The following SORCS1 variants were observed in gnomAD, a reference collection of about 807,000 sequenced individuals.
The protein encoded by SORCS1 is VPS10 domain-containing receptor SorCS1.
SORCS1 carries 60 observed loss-of-function variants against 146.1 expected under a neutral mutation model. The ratio of observed to expected loss-of-function variants is 0.41; its 90% confidence interval spans 0.33 to 0.51. SORCS1 has a LOEUF of 0.51. Ranked by LOEUF, SORCS1 falls within the 20% of genes least tolerant of loss-of-function variation. The pLI is 0.21. For synonymous variants in SORCS1, 637 were observed against 584.0 expected, an observed-to-expected ratio of 1.09 and a Z score of -1.31; for missense variants, 1,352 against 1,487.6, an observed-to-expected ratio of 0.91 and a Z score of 1.50.
chr10:107,044,721 G>C (rs1266218007), intron 1 of SORCS1, among the ~76,000 whole-genome samples: 1 of 150,866 alleles, frequency 6.6e-6, no homozygotes, highest in Admixed American at 6.6e-5. Context: ...TACTCTGGAG[G>C]CTGAGGCAGG....
At chr10:106,733,311 G>T (rs34052114) in intron 5 of SORCS1, among the ~76,000 whole-genome samples, 2 of 151,740 alleles carry the variant, frequency 1.3e-5, no homozygotes, top group Non-Finnish European at 2.9e-5. Context: ...TGTTTCCAAT[G>T]ATTTTTATTT....
chr10:107,058,710 T>C (rs1017454953), intron 1 of SORCS1, among the ~76,000 whole-genome samples: 3 of 152,160 alleles, frequency 2.0e-5, no homozygotes, highest in South Asian at 2.1e-4. Context: ...AGTTAGAATA[T>C]AGAACTGTGC....
At chr10:107,106,848 C>A (rs1050127591) in intron 1 of SORCS1, among the ~76,000 whole-genome samples, 4 of 152,002 alleles carry the variant, frequency 2.6e-5, no homozygotes, top group Admixed American at 2.0e-4. Context: ...CAAAAGAAGC[C>A]CCAGAGATCT....
intron 1 of SORCS1, among the ~76,000 whole-genome samples, chr10:107,119,614 C>A (rs992407604): frequency 1.3e-5 from 2 of 152,024 alleles, no homozygotes; most frequent in African/African-American, 2.4e-5. Flanking sequence ...CCAAGAAAAT[C>A]TTTGGCCAGG....
chr10:106,904,728 G>A (rs1310410901), intron 2 of SORCS1, among the ~76,000 whole-genome samples: 1 of 152,142 alleles, frequency 6.6e-6, no homozygotes, highest in Non-Finnish European at 1.5e-5. Flanking sequence ...CCCACAAATG[G>A]ATCCAACTGA....
At chr10:106,990,181 A>G (rs1257083799) in intron 1 of SORCS1, among the ~76,000 whole-genome samples, 1 of 152,204 alleles carries the variant, frequency 6.6e-6, no homozygotes, top group Non-Finnish European at 1.5e-5. Context: ...CTCTCCTAAC[A>G]TATCTCATCC....
chr10:106,617,513 T>C (rs977609112), intron 21 of SORCS1, among the ~76,000 whole-genome samples: 43 of 151,004 alleles, frequency 2.8e-4, no homozygotes, highest in Non-Finnish European at 4.4e-4. Flanking sequence ...GTATTTTTTT[T>C]ATTTCCAGTT....
In SORCS1 at chr10:107,107,681, T is replaced by C. The variant is rs187469591; in HGVS notation, c.558+56288A>G. On this transcript the variant is annotated intron_variant, in intron 1 of 25. Transcript: ENST00000263054. ...GGGAACCTTGGATTAATTTAGGAGG[T>C]TGTGAAATTCCAGGGGAGCCCGATA... Among the ~76,000 whole-genome samples the C allele has an allele frequency of 6.0e-4, 92 of 152,196 alleles. 1 individual carries two copies. The highest frequency in any genetic ancestry group is 6.0e-3 in the Admixed American group (92 of 15,286).
intron 1 of SORCS1, among the ~76,000 whole-genome samples, chr10:107,065,302 T>C (rs1961643284): frequency 6.6e-6 from 1 of 152,134 alleles, no homozygotes; most frequent in Admixed American, 6.6e-5. Context: ...CTAACTAATG[T>C]TTTGGCTCAG....
At chr10:106,875,593 G>A (rs1462952609) in intron 2 of SORCS1, among the ~76,000 whole-genome samples, 8 of 152,098 alleles carry the variant, frequency 5.3e-5, no homozygotes, top group Non-Finnish European at 1.0e-4. Flanking sequence ...GTGTATAAGC[G>A]TTCCCCTTTC....
At chr10:106,670,131 A>G (rs1467371410) in intron 16 of SORCS1, among the ~76,000 whole-genome samples, 2 of 152,254 alleles carry the variant, frequency 1.3e-5, no homozygotes, top group Non-Finnish European at 2.9e-5. Flanking sequence ...ATAAACGAAT[A>G]CATGAAAACC....
intron 23 of SORCS1, 40 bp downstream of exon 23, chr10:106,607,126 C>CT: frequency 1.2e-6 from 2 of 1,607,164 alleles, no homozygotes; most frequent in East Asian, 4.5e-5. Flanking sequence ...ACTCCACAAA[C>CT]GGTTGAAGCT....
At chr10:106,614,663 C>T (rs1004877476) in intron 21 of SORCS1, among the ~76,000 whole-genome samples, 2 of 152,118 alleles carry the variant, frequency 1.3e-5, no homozygotes, top group Admixed American at 6.6e-5. Context: ...ACTTCATCCA[C>T]AAGGGAGAAT....
intron 15 of SORCS1, among the ~76,000 whole-genome samples, chr10:106,672,155 T>C (rs1242103575): frequency 6.6e-6 from 1 of 152,230 alleles, no homozygotes. Context: ...CATTTACATA[T>C]ATTACTTAGT....
In SORCS1 at chr10:107,130,697, T is replaced by C. The variant is rs528156976; in HGVS notation, c.558+33272A>G. Among the ~76,000 whole-genome samples, 5 of 152,172 alleles carry C rather than the reference T, an allele frequency of 3.3e-5. No individual in the cohort carries two copies. In the South Asian group the frequency reaches 1.0e-3, roughly 32 times the overall value. The stretch of plus-strand genomic sequence containing the variant: ...ACCTGAAGGTGAACAGATTTCCCTA[T>C]GGACTCTGGACCCCAGAGCTCCTTC... On this transcript the variant is annotated intron_variant, in intron 1 of 25. Transcript: ENST00000263054.
intron 1 of SORCS1, among the ~76,000 whole-genome samples, chr10:107,110,497 G>A (rs991174429): frequency 6.6e-6 from 1 of 152,102 alleles, no homozygotes; most frequent in East Asian, 1.9e-4. Context: ...GCAAGCTAGA[G>A]AGTTGGGGAG....
chr10:106,767,851 A>G (rs1470549386), intron 4 of SORCS1, among the ~76,000 whole-genome samples: 1 of 152,204 alleles, frequency 6.6e-6, no homozygotes, highest in Non-Finnish European at 1.5e-5. Flanking sequence ...CTAGCTAAAA[A>G]TTTGGACAAA....
Position 107,154,008 on chromosome 10 carries a change from CTT to C in SORCS1, c.558+9959_558+9960del, listed in dbSNP as rs71025579. Among the ~76,000 whole-genome samples, 726 of 94,036 alleles carry C rather than the reference CTT, an allele frequency of 7.7e-3. 1 individual carries two copies. The highest frequency in any genetic ancestry group is 0.024 in the Middle Eastern group (3 of 126). The allele number at this position is 94,036 out of a possible 152,430, so 61.7% of individuals were successfully genotyped here. Reference sequence around the variant, plus strand: ...ATTTCCAGTATATTTCTTTTCTTTTCTTTTTTTTTTTTTTTTTTTTTGAGATG... The same window carrying C: ...ATTTCCAGTATATTTCTTTTCTTTTCTTTTTTTTTTTTTTTTTTTGAGATG... On this transcript the variant is annotated intron_variant, in intron 1 of 25. Transcript: ENST00000263054.
chr10:106,612,028 G>T lies in SORCS1; in HGVS notation c.2921-5C>A. ...AGCGAAGAGACCGGAATTCCTCTGG[G>T]GATATAACAGTAGATGGAGTACTAT... On this transcript the variant is annotated splice_region_variant and splice_polypyrimidine_tract_variant and intron_variant, in intron 21 of 25. Coordinates refer to ENST00000263054, the MANE Select transcript of SORCS1 (RefSeq NM_052918.5). The T allele has an allele frequency of 1.2e-6, 2 of 1,606,170 alleles. No homozygotes were observed. The highest frequency in any genetic ancestry group is 1.3e-5 in the African/African-American group (1 of 74,816).
Sources: allele counts gnomAD v4.1 joint callset (sites outside exome capture counted in the v4.1 genomes callset), GRCh38; gene constraint gnomAD v4.1.1; transcripts MANE v1.5; gene names NCBI Gene and HGNC (gene_info 2026-07-23, HGNC 2026-07-21).